XRCC5: variants seen among roughly 807,000 people sequenced by gnomAD.
XRCC5 encodes DNA repair protein Ku80.
In XRCC5, 12 loss-of-function variants were observed where a neutral mutation model predicts 95.7. The observed-to-expected ratio is 0.13, with a 90% CI of 0.08 to 0.20. The LOEUF (loss-of-function observed/expected upper bound fraction) is 0.20, where lower values mean the gene tolerates loss of function less well. Ranked by LOEUF, XRCC5 falls within the 10% of genes least tolerant of loss-of-function variation. The pLI, the probability that XRCC5 is intolerant of heterozygous loss-of-function variation, is 1.00. For missense variants in XRCC5, 595 were observed against 873.9 expected, an observed-to-expected ratio of 0.68 and a Z score of 4.02; for synonymous variants, 281 against 290.3, an observed-to-expected ratio of 0.97 and a Z score of 0.33.
At chr2:216,111,568 C>T (rs1696591827) in intron 1 of XRCC5, 1 of 272,134 alleles carries the variant, frequency 3.7e-6, no homozygotes, top group Non-Finnish European at 7.5e-6. Context: ...GTTATGTTCC[C>T]TTTAATCTTC....
At chr2:216,202,367 A>C (rs146785777) in intron 19 of XRCC5, among the ~76,000 whole-genome samples, 1 of 152,354 alleles carries the variant, frequency 6.6e-6, no homozygotes, top group East Asian at 1.9e-4. Flanking sequence ...AAAGTATGAT[A>C]ATAACCCGGA....
intron 16 of XRCC5, among the ~76,000 whole-genome samples, chr2:216,189,480 G>T (rs1472458057): frequency 1.3e-5 from 2 of 152,140 alleles, no homozygotes; most frequent in Non-Finnish European, 2.9e-5. Context: ...TCATACTGAA[G>T]AATTTTTTGT....
At chr2:216,195,029 T>C in intron 19 of XRCC5, 43 bp downstream of exon 19, 1 of 1,584,560 alleles carries the variant, frequency 6.3e-7, no homozygotes, top group Non-Finnish European at 8.7e-7. Flanking sequence ...ATTATTATAG[T>C]GGACTTTATT....
At position 216,125,805 on chromosome 2, in the gene XRCC5, C is replaced by T. The variant is rs41299776; in HGVS notation, c.684-112C>T. The T allele has an allele frequency of 1.6e-3, 1,291 of 829,962 alleles. 12 individuals carry two copies. The Admixed American group carries it at 0.016, about 10-fold the overall frequency. The allele number at this position is 829,962 out of a possible 1,614,324, so 51.4% of individuals were successfully genotyped here. ...TTTCCGGCCATCTCCTGCTGTTTCT[C>T]TCTTTATAATTAACATTAGCTCACT... On this transcript the variant is annotated intron_variant, in intron 6 of 20. Coordinates refer to ENST00000392132, the MANE Select transcript of XRCC5 (RefSeq NM_021141.4).
At position 216,148,177 on chromosome 2, in the gene XRCC5, C is replaced by G; in HGVS notation, c.1571C>G (p.Thr524Arg). 3 of 1,614,050 alleles carry G rather than the reference C, an allele frequency of 1.9e-6. No homozygotes were observed. Among genetic ancestry groups the G allele is most frequent in the Non-Finnish European group, 2.5e-6 (3 of 1,179,984 alleles). The change falls in exon 14 of 21, where the codon ACA becomes AGA. Residue 524 changes from threonine (T) to arginine (R), a missense_variant. Physicochemically the swap from Thr to Arg is moderately conservative, Grantham distance 71. Coordinates refer to ENST00000392132, the MANE Select transcript of XRCC5 (RefSeq NM_021141.4). ...CTGAATCCTCCCGCTGAGGTGACAA[C>G]AAAAAGTCAGATTCCTCTCTCTAAA... ...NMLNPPAEVT[T>R]KSQIPLSKIK...
At chr2:216,131,060 T>A in intron 9 of XRCC5, 73 bp downstream of exon 9, 1 of 1,468,594 alleles carries the variant, frequency 6.8e-7, no homozygotes, top group Non-Finnish European at 9.3e-7. Flanking sequence ...GATTGGTCAT[T>A]TTATTTATAA....
intron 8 of XRCC5, among the ~76,000 whole-genome samples, chr2:216,128,828 T>C (rs1390194858): frequency 6.6e-6 from 1 of 152,216 alleles, no homozygotes; most frequent in Non-Finnish European, 1.5e-5. Context: ...CTCTTTGTTA[T>C]TTCCATTTTA....
intron 16 of XRCC5, among the ~76,000 whole-genome samples, chr2:216,184,875 C>G (rs139207912): frequency 6.6e-6 from 1 of 152,198 alleles, no homozygotes; most frequent in South Asian, 2.1e-4. Flanking sequence ...TAGATCCCCT[C>G]CTCACCCTCC....
Position 216,141,180 on chromosome 2 carries a change from T to G in XRCC5, c.1343-6T>G, listed in dbSNP as rs190526539. On this transcript the variant is annotated splice_polypyrimidine_tract_variant and splice_region_variant and intron_variant, in intron 12 of 20. Transcript: ENST00000392132. ...AATCATTTTTCTTTCGGCTTCTCTG[T>G]TTAAGAGGCACAGTTGAATGCTGTT... is the stretch of plus-strand genomic sequence containing the variant. 1.8e-3 allele frequency: 2,877 copies of G among 1,612,934 alleles called. 5 individuals carry two copies. The highest frequency in any genetic ancestry group is 2.2e-3 in the Non-Finnish European group (2,598 of 1,179,634).
chr2:216,176,601 C>T (rs1372216723), intron 16 of XRCC5, among the ~76,000 whole-genome samples: 1 of 151,976 alleles, frequency 6.6e-6, no homozygotes, highest in African/African-American at 2.4e-5. Context: ...TTTGTATCTT[C>T]CCTTTTTCTT....
chr2:216,149,094 A>G (rs1352036516), intron 14 of XRCC5, among the ~76,000 whole-genome samples: 1 of 151,582 alleles, frequency 6.6e-6, no homozygotes, highest in East Asian at 1.9e-4. Context: ...CCCCTTTTTT[A>G]TTTGATTTTT....
chr2:216,152,441 A>G lies in XRCC5; in HGVS notation c.1670+4165A>G, dbSNP rs531083887. Among the ~76,000 whole-genome samples, 50 of 139,218 alleles carry G rather than the reference A, an allele frequency of 3.6e-4. No homozygotes were observed. In the South Asian group the frequency reaches 0.01, roughly 29 times the overall value. 91.3% of individuals were successfully genotyped at this position (139,218 alleles called of 152,430 possible). A position where few individuals can be genotyped will look rare whatever the true frequency, so the allele number is the denominator to read the frequency against. ...AGGCAACAGAGTGAGACTGTCTTAA[A>G]AAAAAAAGAGAGAAAAAAATTTGGG... On this transcript the variant is annotated intron_variant, in intron 14 of 20. Transcript: ENST00000392132.
Position 216,205,101 on chromosome 2 carries a change from T to G in XRCC5, c.2185-87T>G, listed in dbSNP as rs950341809. 4.0e-6 allele frequency: 6 copies of G among 1,518,510 alleles called. No individual in the cohort carries two copies. The African/African-American group carries it at 8.2e-5, about 21-fold the overall frequency. 94.1% of individuals were successfully genotyped at this position (1,518,510 alleles called of 1,614,324 possible). On this transcript the variant is annotated intron_variant, in intron 20 of 20. Coordinates refer to ENST00000392132, the MANE Select transcript of XRCC5 (RefSeq NM_021141.4). Reference sequence around the variant, plus strand: ...TACATGCATGCCTTCCAATGTAGAGTCATTTTCATTAAACCCTCTCTCACC... The same window carrying G: ...TACATGCATGCCTTCCAATGTAGAGGCATTTTCATTAAACCCTCTCTCACC...
intron 16 of XRCC5, among the ~76,000 whole-genome samples, chr2:216,181,142 C>T (rs1689379127): frequency 6.6e-6 from 1 of 152,092 alleles, no homozygotes; most frequent in Admixed American, 6.6e-5. Flanking sequence ...TTTCTGACAA[C>T]TTTGTATCCA....
intron 16 of XRCC5, among the ~76,000 whole-genome samples, chr2:216,181,001 C>T (rs956802057): frequency 4.6e-5 from 7 of 151,782 alleles, no homozygotes; most frequent in East Asian, 1.9e-4. Flanking sequence ...TTAGTAGAGA[C>T]GGGGTTTCTC....
intron 19 of XRCC5, among the ~76,000 whole-genome samples, chr2:216,203,249 G>A (rs1239512841): frequency 6.6e-6 from 1 of 152,160 alleles, no homozygotes; most frequent in Non-Finnish European, 1.5e-5. Flanking sequence ...CCAGTCAGTT[G>A]TGGTACCATA....
rs1689901945 is a variant in XRCC5, at chr2:216,204,330, C to T, written c.2118C>T (p.Ala706=). 1 of 1,613,816 alleles carries T rather than the reference C, an allele frequency of 6.2e-7. No homozygotes were observed. The highest frequency in any genetic ancestry group is 8.5e-7 in the Non-Finnish European group (1 of 1,179,802). The change falls in exon 20 of 21, where the codon GCC becomes GCT. Residue 706 remains alanine, a synonymous_variant. Transcript: ENST00000392132. The part of the protein sequence containing the change: ...VTAEEAKKFL[A]PKDKPSGDTA... ...TGACTTTCTATTTACAGTTTCTGGC[C>T]CCCAAAGACAAACCAAGTGGAGACA... is the stretch of plus-strand genomic sequence containing the variant.
At chr2:216,195,315 A>G (rs1385067413) in intron 19 of XRCC5, among the ~76,000 whole-genome samples, 1 of 127,022 alleles carries the variant, frequency 7.9e-6, no homozygotes, top group African/African-American at 2.7e-5. Flanking sequence ...CTGGCCACAC[A>G]TTAGTTACTT....
At chr2:216,203,185 G>A (rs967787537) in intron 19 of XRCC5, among the ~76,000 whole-genome samples, 2 of 152,084 alleles carry the variant, frequency 1.3e-5, no homozygotes, top group Admixed American at 6.5e-5. Flanking sequence ...CTCTCTCACC[G>A]CGTGCCTGCT....
Sources: allele counts gnomAD v4.1 joint callset (sites outside exome capture counted in the v4.1 genomes callset), GRCh38; gene constraint gnomAD v4.1.1; transcripts MANE v1.5; gene names NCBI Gene and HGNC (gene_info 2026-07-23, HGNC 2026-07-21).